The following C21orf91 variants were observed in gnomAD, a reference collection of about 807,000 sequenced individuals.
The protein encoded by C21orf91 is protein EURL homolog.
In C21orf91, 26 loss-of-function variants were observed where a neutral mutation model predicts 32.9. The observed-to-expected ratio is 0.79, with a 90% CI of 0.58 to 1.10. The LOEUF (loss-of-function observed/expected upper bound fraction) is 1.10. Among genes scored for constraint, C21orf91 ranks in the 50% least tolerant of loss-of-function variants. C21orf91 has a pLI of 0.00. For missense variants in C21orf91, 310 were observed against 341.3 expected (o/e 0.91, Z 0.72); for synonymous variants, 126 against 120.4 (o/e 1.05, Z -0.31).
chr21:17,797,196 G>T, intron 2 of C21orf91, 78 bp from the exon 3 acceptor site: 1 of 911,468 alleles, frequency 1.1e-6, no homozygotes, highest in Non-Finnish European at 1.7e-6. Context: ...ACAAATCTTA[G>T]TAAAATCAGA....
chr21:17,801,901 T>C (rs1353810442), intron 2 of C21orf91, among the ~76,000 whole-genome samples: 1 of 152,192 alleles, frequency 6.6e-6, no homozygotes, highest in Non-Finnish European at 1.5e-5. Context: ...TAGGCTGTAT[T>C]TCTGTATGAA....
At chr21:17,812,284 T>G (rs907459952) in intron 2 of C21orf91, among the ~76,000 whole-genome samples, 1 of 152,146 alleles carries the variant, frequency 6.6e-6, no homozygotes, top group Non-Finnish European at 1.5e-5. Context: ...GTGTTCAAAC[T>G]AAATGATATT....
intron 2 of C21orf91, among the ~76,000 whole-genome samples, chr21:17,807,099 T>C (rs2062601384): frequency 2.6e-5 from 4 of 152,232 alleles, no homozygotes; most frequent in African/African-American, 9.6e-5. Context: ...ACTGTATTTA[T>C]TCTACTGTGT....
Position 17,802,556 on chromosome 21 carries a change from C to T in C21orf91, c.128-5438G>A, listed in dbSNP as rs78483217. On this transcript the variant is annotated intron_variant, in intron 2 of 4. Coordinates refer to ENST00000284881, the MANE Select transcript of C21orf91 (RefSeq NM_001100420.2). ...ACCAATTGTAGGAACAATTTTTTTT[C>T]GTAACAAAAATAATACTCCAAATGG... 2.5e-3 allele frequency among the ~76,000 whole-genome samples: 374 copies of T among 152,014 alleles called. 9 individuals are homozygous for T. The East Asian group carries it at 0.068, about 28-fold the overall frequency.
intron 4 of C21orf91, 135 bp downstream of exon 4, chr21:17,795,073 G>T: frequency 1.4e-4 from 87 of 619,224 alleles, no homozygotes; most frequent in Admixed American, 4.7e-4. Context: ...TATTCTTTTT[G>T]CTCTGGAAAC....
At chr21:17,803,201 T>C (rs563001470) in intron 2 of C21orf91, among the ~76,000 whole-genome samples, 3 of 152,254 alleles carry the variant, frequency 2.0e-5, no homozygotes, top group Admixed American at 1.3e-4. Flanking sequence ...AATGTATTTG[T>C]GCAACAATAC....
intron 2 of C21orf91, among the ~76,000 whole-genome samples, chr21:17,806,151 C>T (rs1029052356): frequency 2.6e-5 from 4 of 152,160 alleles, no homozygotes; most frequent in African/African-American, 4.8e-5. Context: ...CCTCAACTGC[C>T]GCCTGCTCCA....
intron 4 of C21orf91, 69 bp from the exon 5 acceptor site, chr21:17,793,650 A>G: frequency 9.6e-7 from 1 of 1,038,552 alleles, no homozygotes; most frequent in East Asian, 2.5e-5. Flanking sequence ...TATTTCAAGA[A>G]CTCTAACTGA....
chr21:17,795,003 G>C (rs569481447), intron 4 of C21orf91, among the ~76,000 whole-genome samples: 2 of 110,292 alleles, frequency 1.8e-5, no homozygotes, highest in African/African-American at 7.4e-5. Flanking sequence ...AGATTCTGTC[G>C]CAAAAAAAAA....
intron 2 of C21orf91, among the ~76,000 whole-genome samples, chr21:17,808,696 T>C (rs1192860725): frequency 6.6e-6 from 1 of 152,216 alleles, no homozygotes; most frequent in Non-Finnish European, 1.5e-5. Flanking sequence ...GATGAGACTT[T>C]GGACTGTGGA....
chr21:17,815,511 T>A (rs1038078533), intron 2 of C21orf91, among the ~76,000 whole-genome samples: 15 of 152,202 alleles, frequency 9.9e-5, no homozygotes, highest in Non-Finnish European at 2.2e-4. Context: ...TTTAAAAGAT[T>A]TACCGACAAC....
At position 17,801,269 on chromosome 21, in the gene C21orf91, C is replaced by T. The variant is rs140690815; in HGVS notation, c.128-4151G>A. Among the ~76,000 whole-genome samples the T allele has an allele frequency of 2.2e-3, 334 of 151,274 alleles. 6 individuals carry two copies. The East Asian group carries it at 0.062, about 28-fold the overall frequency. ...AACACAGGAACAGAAAACCAAACAC[C>T]GTATGTTTTTTTTTTTTTTTAGACG... On this transcript the variant is annotated intron_variant, in intron 2 of 4. Coordinates refer to ENST00000284881, the MANE Select transcript of C21orf91 (RefSeq NM_001100420.2).
At chr21:17,797,685 A>T (rs1290055415) in intron 2 of C21orf91, among the ~76,000 whole-genome samples, 3 of 151,750 alleles carry the variant, frequency 2.0e-5, no homozygotes, top group Non-Finnish European at 4.4e-5. Context: ...AACATTTTTC[A>T]CATTTCCATT....
intron 2 of C21orf91, among the ~76,000 whole-genome samples, chr21:17,811,134 T>A (rs890531044): frequency 3.3e-5 from 5 of 151,876 alleles, no homozygotes; most frequent in Admixed American, 6.5e-5. Context: ...GAAGCATAAA[T>A]TTAGGCACCT....
At chr21:17,803,674 G>C (rs1195247570) in intron 2 of C21orf91, among the ~76,000 whole-genome samples, 1 of 152,154 alleles carries the variant, frequency 6.6e-6, no homozygotes, top group Admixed American at 6.5e-5. Flanking sequence ...TCCATATTAA[G>C]AAACAGTAAT....
chr21:17,802,786 C>G (rs1325264378), intron 2 of C21orf91, among the ~76,000 whole-genome samples: 1 of 152,186 alleles, frequency 6.6e-6, no homozygotes, highest in Non-Finnish European at 1.5e-5. Flanking sequence ...TGCTGAATGC[C>G]TTTATACTTC....
At chr21:17,807,047 T>G (rs1046520221) in intron 2 of C21orf91, among the ~76,000 whole-genome samples, 4 of 152,234 alleles carry the variant, frequency 2.6e-5, no homozygotes, top group African/African-American at 9.6e-5. Flanking sequence ...AACTGACTTT[T>G]CTGGAGAACT....
At chr21:17,794,955 G>A (rs1394958634) in intron 4 of C21orf91, among the ~76,000 whole-genome samples, 1 of 149,662 alleles carries the variant, frequency 6.7e-6, no homozygotes, top group African/African-American at 2.5e-5. Flanking sequence ...AGCTACTCGG[G>A]AGGATCACCA....
rs2062451675 is a variant in C21orf91, at chr21:17,789,189, A to G, written c.*4226T>C. ...GTCTTAACACAATTTTGTAAAGTAA[A>G]TTTCTAACACCAGAGAGATTAAGTT... On this transcript the variant is annotated 3_prime_UTR_variant, in exon 5 of 5. Transcript: ENST00000284881. The G allele has an allele frequency of 6.6e-6, 1 of 152,026 alleles. No homozygotes were observed. Among genetic ancestry groups the G allele is most frequent in the African/African-American group, 2.4e-5 (1 of 41,390 alleles). The allele number at this position is 152,026 out of a possible 1,614,324, so 9.4% of individuals were successfully genotyped here.
Sources: gnomAD v4.1 joint callset for allele counts (sites outside exome capture counted in the v4.1 genomes callset) on GRCh38, gnomAD v4.1.1 for gene constraint, MANE v1.5 for transcripts, NCBI Gene and HGNC (gene_info 2026-07-23, HGNC 2026-07-21) for gene names.